The following PASD1 variants were observed in gnomAD, a reference collection of about 807,000 sequenced individuals.
PASD1 encodes the protein PAS domain containing repressor 1, also known as circadian clock protein PASD1.
In PASD1, 13 loss-of-function variants were observed where a neutral mutation model predicts 58.8. The observed-to-expected ratio is 0.22, with a 90% CI of 0.14 to 0.35. The LOEUF is 0.35. Ranked by LOEUF, PASD1 falls within the 10% of genes least tolerant of loss-of-function variation. PASD1 has a pLI of 1.00. For missense variants in PASD1, 734 were observed against 568.3 expected (o/e 1.29, Z -2.96); for synonymous variants, 236 against 216.7 (o/e 1.09, Z -0.78).
chrX:151,584,403 A>C lies in PASD1; in HGVS notation c.-27-17124A>C, dbSNP rs73239669. ...TGTCACCTGGATATCTATAGGTCTTATTCACTAGGTTTTATTGTCCAGCTA... is the reference window on the plus strand; with the variant it reads ...TGTCACCTGGATATCTATAGGTCTTCTTCACTAGGTTTTATTGTCCAGCTA... On this transcript the variant is annotated intron_variant, in intron 1 of 15. Transcript: ENST00000370357. Among the ~76,000 whole-genome samples the C allele has an allele frequency of 7.5e-3, 836 of 112,114 alleles. 1 individual carries two copies. Among genetic ancestry groups the C allele is most frequent in the Middle Eastern group, 0.032 (7 of 217 alleles).
chrX:151,658,279 C>T (rs756919497), intron 9 of PASD1, among the ~76,000 whole-genome samples: 2 of 112,399 alleles, frequency 1.8e-5, no homozygotes, highest in African/African-American at 6.5e-5. Flanking sequence ...CACCTTAGTC[C>T]TAATTGCATT....
intron 11 of PASD1, among the ~76,000 whole-genome samples, chrX:151,666,837 A>G (rs1225202281): frequency 1.9e-5 from 2 of 106,284 alleles, no homozygotes; most frequent in African/African-American, 3.5e-5. Context: ...TAGTGCCACA[A>G]TAAACATCCG....
chrX:151,665,906 T>G (rs1285953909), intron 11 of PASD1, among the ~76,000 whole-genome samples: 3 of 106,730 alleles, frequency 2.8e-5, no homozygotes, highest in African/African-American at 1.0e-4. Context: ...GTGTGTGTTT[T>G]TTTTTTTTTG....
rs184878642 is a variant in PASD1, at chrX:151,658,217, T to G, written c.718-1496T>G. 3.0e-3 allele frequency among the ~76,000 whole-genome samples: 336 copies of G among 112,401 alleles called. 1 individual carries two copies. Among genetic ancestry groups the G allele is most frequent in the African/African-American group, 9.2e-3 (285 of 31,003 alleles). ...AATAAAGGTGAATCCAAAACTCCAC[T>G]GAAAACTGTAAAAGCATGTTGATTT... On this transcript the variant is annotated intron_variant, in intron 9 of 15. Transcript: ENST00000370357.
intron 4 of PASD1, among the ~76,000 whole-genome samples, chrX:151,615,420 T>G (rs1175405574): frequency 9.0e-6 from 1 of 111,465 alleles, no homozygotes; most frequent in East Asian, 2.8e-4. Flanking sequence ...TAAAAATAAA[T>G]GTATAACTAT....
In PASD1 at chrX:151,659,725, A is replaced by G; in HGVS notation, c.730A>G (p.Ile244Val). The change falls in exon 10 of 16, where the codon ATT (isoleucine) becomes GTT (valine). Residue 244 changes from isoleucine (I) to valine (V), a missense_variant. Coordinates refer to ENST00000370357, the MANE Select transcript of PASD1 (RefSeq NM_173493.3). ...AAAISDDQID[I>V]AEVEQYGPQE... ...TGGAAATGTACAGGACCAAATTGAT[A>G]TTGCAGAGGTTGAGCAGTATGGACC... 1 of 1,203,007 alleles carries G rather than the reference A, an allele frequency of 8.3e-7. No individual in the cohort carries two copies. The highest frequency in any genetic ancestry group is 1.1e-6 in the Non-Finnish European group (1 of 889,037).
intron 9 of PASD1, among the ~76,000 whole-genome samples, chrX:151,651,261 AATG>A (rs2014125524): frequency 8.9e-6 from 1 of 112,112 alleles, no homozygotes; most frequent in South Asian, 3.8e-4. Flanking sequence ...TACTTCTCTT[AATG>A]ATGAGTGTAG....
intron 1 of PASD1, among the ~76,000 whole-genome samples, chrX:151,598,975 C>T (rs1017353315): frequency 7.5e-4 from 80 of 106,077 alleles, no homozygotes; most frequent in Non-Finnish European, 2.4e-4. Context: ...TGCCGCCTTC[C>T]GCAGTGTTTG....
chrX:151,599,840 G>A (rs1307452727), intron 1 of PASD1, among the ~76,000 whole-genome samples: 6 of 110,812 alleles, frequency 5.4e-5, no homozygotes, highest in African/African-American at 1.6e-4. Flanking sequence ...AGGCAGAGAC[G>A]CTCCTCACTT....
intron 8 of PASD1, 138 bp from the exon 9 acceptor site, chrX:151,648,477 T>A: frequency 1.7e-6 from 1 of 581,786 alleles, no homozygotes; most frequent in Non-Finnish European, 2.8e-6. Context: ...AAATGATACC[T>A]CAAAGATTAA....
chrX:151,620,441 A>AT lies in PASD1; in HGVS notation c.208-480dup, dbSNP rs56267716. On this transcript the variant is annotated intron_variant, in intron 4 of 15. Transcript: ENST00000370357. ...TTGGTGTCAGATGTTGACATTTCCC[A>AT]TTTTTTTTTCACTGAAACAAGAAAT... is the stretch of plus-strand genomic sequence containing the variant. 9.2e-3 allele frequency among the ~76,000 whole-genome samples: 968 copies of AT among 105,697 alleles called. 11 individuals are homozygous for AT. Among genetic ancestry groups the AT allele is most frequent in the African/African-American group, 0.032 (928 of 29,017 alleles). The allele number at this position is 105,697 out of a possible 115,157, so 91.8% of individuals were successfully genotyped here.
intron 1 of PASD1, among the ~76,000 whole-genome samples, chrX:151,569,434 C>A (rs2012895202): frequency 4.5e-5 from 5 of 111,812 alleles, no homozygotes; most frequent in Admixed American, 9.5e-5. Context: ...AAGTAACAGG[C>A]AGGAATTTGA....
intron 9 of PASD1, among the ~76,000 whole-genome samples, chrX:151,649,205 C>T (rs779668189): frequency 3.6e-5 from 4 of 111,791 alleles, no homozygotes; most frequent in African/African-American, 6.5e-5. Context: ...AACCAAACTG[C>T]AAGGAGAGAG....
Position 151,591,086 on chromosome X carries a change from G to A in PASD1, c.-27-10441G>A, listed in dbSNP as rs375366259. On this transcript the variant is annotated intron_variant, in intron 1 of 15. Coordinates refer to ENST00000370357, the MANE Select transcript of PASD1 (RefSeq NM_173493.3). The stretch of plus-strand genomic sequence containing the variant: ...TTGGTATTGCTGTGGAGCTTGAGCT[G>A]TAAGTCTGATATTTGGGTCTTGGAA... Among the ~76,000 whole-genome samples, 4 of 111,609 alleles carry A rather than the reference G, an allele frequency of 3.6e-5. No individual in the cohort carries two copies. In the East Asian group the frequency reaches 8.5e-4, roughly 24 times the overall value.
chrX:151,564,653 C>G (rs1463127614), intron 1 of PASD1, among the ~76,000 whole-genome samples: 2 of 108,911 alleles, frequency 1.8e-5, no homozygotes, highest in Non-Finnish European at 3.8e-5. Flanking sequence ...GTCTCAGCTA[C>G]TGGTTACGGC....
chrX:151,676,447 AG>A lies in PASD1; in HGVS notation c.*306del. ...GCTTTGCATATCCATGTTCTACCACAGGAAGGTGGCCTGCCAAGAGTCTGCT... is the reference window on the plus strand; with the variant it reads ...GCTTTGCATATCCATGTTCTACCACAGAAGGTGGCCTGCCAAGAGTCTGCT... On this transcript the variant is annotated 3_prime_UTR_variant, in exon 16 of 16. Coordinates refer to ENST00000370357, the MANE Select transcript of PASD1 (RefSeq NM_173493.3). 4.2e-6 allele frequency: 1 copy of A among 239,714 alleles called. No homozygotes were observed. Among genetic ancestry groups the A allele is most frequent in the Non-Finnish European group, 7.5e-6 (1 of 133,294 alleles). The allele number at this position is 239,714 out of a possible 1,213,427, so 19.8% of individuals were successfully genotyped here.
intron 8 of PASD1, among the ~76,000 whole-genome samples, chrX:151,628,677 C>T (rs1392540684): frequency 9.0e-6 from 1 of 111,545 alleles, no homozygotes; most frequent in African/African-American, 3.3e-5. Context: ...AATGCGGGCT[C>T]TTTTTTGGTC....
chrX:151,670,892 A>C (rs1432831840), intron 11 of PASD1, 146 bp from the exon 12 acceptor site: 1 of 677,740 alleles, frequency 1.5e-6, no homozygotes, highest in Non-Finnish European at 2.2e-6. Flanking sequence ...CCATTTTTTC[A>C]AACTTTCTAG....
At chrX:151,660,316 A>G (rs910007734) in intron 10 of PASD1, among the ~76,000 whole-genome samples, 2 of 112,514 alleles carry the variant, frequency 1.8e-5, no homozygotes, top group Non-Finnish European at 3.8e-5. Flanking sequence ...TGGTGGATGC[A>G]TAATACAAAT....
Sources: gnomAD v4.1 joint callset for allele counts (sites outside exome capture counted in the v4.1 genomes callset) on GRCh38, gnomAD v4.1.1 for gene constraint, MANE v1.5 for transcripts, NCBI Gene and HGNC (gene_info 2026-07-23, HGNC 2026-07-21) for gene names.